Variants in DMXL1 observed in about 807,000 individuals in gnomAD.
DMXL1 encodes the protein dmX-like protein 1.
In DMXL1, 99 loss-of-function variants were observed where a neutral mutation model predicts 319.2. That is an observed-to-expected ratio of 0.31 (90% confidence interval 0.26 to 0.37). The LOEUF (loss-of-function observed/expected upper bound fraction) is 0.37. Ranked by LOEUF, DMXL1 falls within the 10% of genes least tolerant of loss-of-function variation. DMXL1 has a pLI of 1.00. For synonymous variants in DMXL1, 1,385 were observed against 1,235.2 expected, an observed-to-expected ratio of 1.12 and a Z score of -2.54; for missense variants, 3,745 against 3,595.6, an observed-to-expected ratio of 1.04 and a Z score of -1.06.
rs547133477 is a variant in DMXL1 at position 119,213,843 on chromosome 5, A to G, written c.7927-3058A>G. Among the ~76,000 whole-genome samples, 4 of 152,298 alleles carry G rather than the reference A, an allele frequency of 2.6e-5. No individual in the cohort carries two copies. The South Asian group carries it at 6.2e-4, about 24-fold the overall frequency. On this transcript the variant is annotated intron_variant, in intron 34 of 43. Coordinates refer to ENST00000539542, the MANE Select transcript of DMXL1 (RefSeq NM_001290321.3). The stretch of plus-strand genomic sequence containing the variant: ...CAATTATCTATCTTCATATGATTCA[A>G]CTTCTTAATAATCATTTGGTAGTGT...
chr5:119,179,343 A>G (rs1420550569), intron 28 of DMXL1, among the ~76,000 whole-genome samples: 1 of 148,724 alleles, frequency 6.7e-6, no homozygotes, highest in African/African-American at 2.5e-5. Context: ...TACATTTGAG[A>G]GAAGCTCAGC....
chr5:119,130,763 A>G (rs1343330663), intron 10 of DMXL1, among the ~76,000 whole-genome samples: 2 of 152,208 alleles, frequency 1.3e-5, no homozygotes, highest in African/African-American at 4.8e-5. Context: ...AAACATTTAA[A>G]TTAATTTAAA....
At position 119,170,824 on chromosome 5, in the gene DMXL1, A is replaced by G. The variant is rs1774396895; in HGVS notation, c.6033A>G (p.Leu2011=). ...ACTACACAGAATCTTTCAGCACACT[A>G]GATGAAAATGACCTTTTAAATCCAT... ...SSNYTESFST[L]DENDLLNPSE... is the part of the protein sequence containing the mutation. The change falls in exon 24 of 44, where the codon CTA becomes CTG. Residue 2011 remains leucine (L), a synonymous_variant. Coordinates refer to ENST00000539542, the MANE Select transcript of DMXL1 (RefSeq NM_001290321.3). 1.2e-6 allele frequency: 2 copies of G among 1,611,898 alleles called. No individual in the cohort carries two copies. The highest frequency in any genetic ancestry group is 1.7e-6 in the Non-Finnish European group (2 of 1,179,520).
At chr5:119,109,450 T>C (rs935818277) in intron 4 of DMXL1, among the ~76,000 whole-genome samples, 5 of 152,074 alleles carry the variant, frequency 3.3e-5, no homozygotes, top group African/African-American at 1.2e-4. Flanking sequence ...CACTTGAAAA[T>C]CTTTTACTCC....
At chr5:119,169,496 A>G (rs1331037220) in intron 23 of DMXL1, among the ~76,000 whole-genome samples, 1 of 152,192 alleles carries the variant, frequency 6.6e-6, no homozygotes, top group Admixed American at 6.5e-5. Context: ...GTTTTAGATC[A>G]TGGAGCTTTC....
intron 2 of DMXL1, among the ~76,000 whole-genome samples, chr5:119,101,114 A>T (rs191149836): frequency 1.3e-5 from 2 of 152,020 alleles, no homozygotes; most frequent in Non-Finnish European, 2.9e-5. Context: ...CCTATTTATA[A>T]AGTTGAATAC....
intron 1 of DMXL1, among the ~76,000 whole-genome samples, chr5:119,071,869 G>T (rs978931065): frequency 1.3e-5 from 2 of 152,144 alleles, no homozygotes; most frequent in East Asian, 1.9e-4. Flanking sequence ...ACTCAAGTTA[G>T]AATATTTTGT....
intron 1 of DMXL1, among the ~76,000 whole-genome samples, chr5:119,097,094 G>T (rs1374323962): frequency 1.3e-5 from 2 of 152,204 alleles, no homozygotes; most frequent in Non-Finnish European, 2.9e-5. Context: ...AGACCAGGCA[G>T]ATAAAAGGCA....
At chr5:119,155,137 G>T (rs1770717245) in intron 19 of DMXL1, among the ~76,000 whole-genome samples, 1 of 152,204 alleles carries the variant, frequency 6.6e-6, no homozygotes, top group Non-Finnish European at 1.5e-5. Flanking sequence ...GGTGTACAAG[G>T]AGATTAATAT....
intron 25 of DMXL1, among the ~76,000 whole-genome samples, chr5:119,173,776 G>GTGTATATGTATATATATATATA: frequency 1.5e-5 from 1 of 67,170 alleles, no homozygotes; most frequent in African/African-American, 5.6e-5. Context: ...ATGTGTGTGT[G>GTGTATATGTATATATATATATA]TATATATATA....
Position 119,175,220 on chromosome 5 carries a change from A to G in DMXL1, c.6682-41A>G, listed in dbSNP as rs748351193. 3 of 1,513,376 alleles carry G rather than the reference A, an allele frequency of 2.0e-6. No individual in the cohort carries two copies. The African/African-American group carries it at 4.2e-5, about 21-fold the overall frequency. The allele number at this position is 1,513,376 out of a possible 1,614,324, so 93.7% of individuals were successfully genotyped here. On this transcript the variant is annotated intron_variant, in intron 25 of 43. Transcript: ENST00000539542. Reference sequence around the variant, plus strand: ...GGTCTTGAAAAAAAATCTGCACTTTAAAAAGGTTATACTTAAAGTAATTTT... The same window carrying G: ...GGTCTTGAAAAAAAATCTGCACTTTGAAAAGGTTATACTTAAAGTAATTTT...
intron 26 of DMXL1, among the ~76,000 whole-genome samples, chr5:119,175,818 TTCTC>T (rs1263723119): frequency 6.6e-6 from 1 of 152,122 alleles, no homozygotes; most frequent in African/African-American, 2.4e-5. Flanking sequence ...TTCTCTGTAT[TTCTC>T]TTTATGTTAT....
Position 119,178,197 on chromosome 5 carries a change from G to T in DMXL1, c.7088G>T (p.Gly2363Val). Residue 2363 changes from glycine to valine, a missense_variant, in exon 28 of 44, where the codon GGT becomes GTT. By Grantham distance (109) the Gly-to-Val change is moderately radical. This residue lies in a region of DMXL1 where 1,382 missense variants were observed against 1,269.5 expected (regional missense o/e 1.09). Coordinates refer to ENST00000539542, the MANE Select transcript of DMXL1 (RefSeq NM_001290321.3). ...ATGTGGTCTGCTGTGTTTGGTGGAG[G>T]TGCACATGTTCCTAGCAAAGAACAG... ...EKMWSAVFGG[G>V]AHVPSKEQTH... 6.2e-7 allele frequency: 1 copy of T among 1,613,854 alleles called. No individual in the cohort carries two copies. Among genetic ancestry groups the T allele is most frequent in the Non-Finnish European group, 8.5e-7 (1 of 1,179,794 alleles).
chr5:119,217,968 C>T (rs1783982314), intron 35 of DMXL1, among the ~76,000 whole-genome samples: 1 of 152,032 alleles, frequency 6.6e-6, no homozygotes, highest in Non-Finnish European at 1.5e-5. Context: ...GATTTGCCTG[C>T]TTCAGACAGT....
rs375308972 is a variant in DMXL1, at chr5:119,133,191, G to T, written c.1375G>T (p.Asp459Tyr). The change falls in exon 11 of 44, where the codon GAT becomes TAT. Residue 459 changes from aspartate to tyrosine, a missense_variant. By Grantham distance (160) the Asp-to-Tyr change is radical. Transcript: ENST00000539542. ...INPEKKELGC[D>Y]KMVPNSSFTS... The stretch of plus-strand genomic sequence containing the variant: ...TCCCGAAAAGAAGGAATTAGGCTGT[G>T]ATAAAATGGTACCAAACTCAAGTTT... 3 of 1,614,194 alleles carry T rather than the reference G, an allele frequency of 1.9e-6. No homozygotes were observed. The highest frequency in any genetic ancestry group is 1.7e-5 in the Admixed American group (1 of 60,022).
intron 1 of DMXL1, among the ~76,000 whole-genome samples, chr5:119,095,578 C>T (rs1755766812): frequency 6.6e-6 from 1 of 152,010 alleles, no homozygotes; most frequent in Non-Finnish European, 1.5e-5. Flanking sequence ...TTTTTTATTC[C>T]ACTGAAAGGA....
In DMXL1 at chr5:119,109,415, C is replaced by G. The variant is rs138037365; in HGVS notation, c.365-736C>G. Among the ~76,000 whole-genome samples the G allele has an allele frequency of 8.1e-4, 123 of 152,236 alleles. 1 individual carries two copies. The highest frequency in any genetic ancestry group is 2.8e-3 in the African/African-American group (118 of 41,554). On this transcript the variant is annotated intron_variant, in intron 4 of 43. Transcript: ENST00000539542. ...CTGAAATACAGATCCAATTTTGTAA[C>G]AACTCCCCCACAATCCCCCACTGCC...
chr5:119,135,502 C>T lies in DMXL1; in HGVS notation c.2376+1113C>T, dbSNP rs536470642. On this transcript the variant is annotated intron_variant, in intron 13 of 43. Transcript: ENST00000539542. ...AAACGGACAGCCAGTTCAGAGATCC[C>T]AAGGCCGGAGCATGTTTGGTATGTG... is the stretch of plus-strand genomic sequence containing the variant. Among the ~76,000 whole-genome samples the T allele has an allele frequency of 8.5e-5, 13 of 152,226 alleles. No individual in the cohort carries two copies. In the South Asian group the frequency reaches 1.9e-3, roughly 22 times the overall value.
In DMXL1 at chr5:119,121,077, C is replaced by A. The variant is rs746670060; in HGVS notation, c.1040C>A (p.Thr347Asn). ...GATCCTCATCATGTTCACAGGAACA[C>A]TCCACTGCATGCCAATGCACTTTGC... ...QQDPHHVHRN[T>N]PLHANALCHF... Residue 347 changes from threonine (T) to asparagine (N), a missense_variant, in exon 9 of 44, where the codon ACT becomes AAT. By Grantham distance (65) the Thr-to-Asn change is moderately conservative (BLOSUM62 0). Coordinates refer to ENST00000539542, the MANE Select transcript of DMXL1 (RefSeq NM_001290321.3). 6 of 1,613,264 alleles carry A rather than the reference C, an allele frequency of 3.7e-6. No individual in the cohort carries two copies. The highest frequency in any genetic ancestry group is 5.1e-6 in the Non-Finnish European group (6 of 1,179,832).
Sources: gnomAD v4.1 joint callset for allele counts (sites outside exome capture counted in the v4.1 genomes callset) on GRCh38, gnomAD v4.1.1 for gene constraint, gnomAD v4.1.1 regional missense constraint, MANE v1.5 for transcripts, NCBI Gene and HGNC (gene_info 2026-07-23, HGNC 2026-07-21) for gene names.